Variants in TIAM2 observed in about 807,000 individuals in gnomAD.
The protein encoded by TIAM2 is rho guanine nucleotide exchange factor TIAM2.
In TIAM2, 80 loss-of-function variants were observed where a neutral mutation model predicts 152.9. That is an observed-to-expected ratio of 0.52 (90% confidence interval 0.44 to 0.63). TIAM2 has a LOEUF of 0.63. TIAM2 is among the 30% of genes least tolerant of loss of function. The pLI is 0.00. For synonymous variants in TIAM2, 804 were observed against 838.0 expected (o/e 0.96, Z 0.70); for missense variants, 1,965 against 2,120.1 (o/e 0.93, Z 1.44).
chr6:155,166,001 T>C (rs1780426909), intron 9 of TIAM2, among the ~76,000 whole-genome samples: 1 of 152,202 alleles, frequency 6.6e-6, no homozygotes, highest in South Asian at 2.1e-4. Context: ...ATATTTACTT[T>C]CTCATAGATT....
intron 1 of TIAM2, among the ~76,000 whole-genome samples, chr6:155,029,563 AC>A (rs1156460534): frequency 9.7e-6 from 1 of 102,896 alleles, no homozygotes; most frequent in Admixed American, 1.4e-4. Context: ...ATAAATATAT[AC>A]TATATAATAG....
intron 1 of TIAM2, among the ~76,000 whole-genome samples, chr6:155,015,792 C>T (rs530399114): frequency 1.3e-5 from 2 of 151,890 alleles, no homozygotes; most frequent in South Asian, 4.2e-4. Context: ...CAAGAATTAG[C>T]TGGGCATGGT....
chr6:154,996,972 C>CTCAGAA (rs904242566), intron 1 of TIAM2, among the ~76,000 whole-genome samples: 1 of 151,430 alleles, frequency 6.6e-6, no homozygotes, highest in African/African-American at 2.4e-5. Context: ...CCCTAATGAC[C>CTCAGAA]TCAGAATCAG....
intron 1 of TIAM2, among the ~76,000 whole-genome samples, chr6:155,049,353 G>C (rs989290254): frequency 6.6e-6 from 1 of 152,116 alleles, no homozygotes; most frequent in African/African-American, 2.4e-5. Flanking sequence ...TTCACAGAAG[G>C]CTGGTTCTGC....
chr6:155,061,636 G>A (rs1003067474), intron 1 of TIAM2, among the ~76,000 whole-genome samples: 3 of 152,162 alleles, frequency 2.0e-5, no homozygotes, highest in African/African-American at 7.2e-5. Context: ...TGTAGTTTGT[G>A]TTTTTTCATT....
In TIAM2 at chr6:155,144,677, C is replaced by T. The variant is rs201547111; in HGVS notation, c.1702C>T (p.Leu568=). 2.5e-6 allele frequency: 4 copies of T among 1,609,312 alleles called. No homozygotes were observed. The East Asian group carries it at 9.0e-5, about 36-fold the overall frequency. ...MDQSSAPRCA[L]FAEDSIVQSV... is the part of the protein sequence containing the mutation. ...TCAGAGCAGTGCCCCTCGGTGTGCT[C>T]TGTTTGCAGAAGACAGCATAGTGCA... Residue 568 remains leucine (L), a synonymous_variant, in exon 6 of 27, where the codon CTG becomes TTG. Transcript: ENST00000682666.
chr6:155,075,917 A>G (rs1777946718), intron 1 of TIAM2, among the ~76,000 whole-genome samples: 1 of 152,222 alleles, frequency 6.6e-6, no homozygotes, highest in Non-Finnish European at 1.5e-5. Context: ...TTCATATGAC[A>G]TACTATCAAT....
intron 7 of TIAM2, among the ~76,000 whole-genome samples, chr6:155,160,761 CA>C (rs1252594657): frequency 1.5e-5 from 2 of 137,296 alleles, no homozygotes; most frequent in African/African-American, 2.6e-5. Context: ...GACCATGTCT[CA>C]AAACAAAAAC....
At chr6:155,140,556 ATG>A (rs201167708) in intron 5 of TIAM2, among the ~76,000 whole-genome samples, 25 of 120,016 alleles carry the variant, frequency 2.1e-4, no homozygotes, top group East Asian at 2.6e-4. Context: ...CTGTGTGTGT[ATG>A]TGTGTGTGTG....
At chr6:155,178,663 C>T (rs970381601) in intron 10 of TIAM2, among the ~76,000 whole-genome samples, 4 of 152,152 alleles carry the variant, frequency 2.6e-5, no homozygotes, top group Non-Finnish European at 2.9e-5. Context: ...CAACCTCCAC[C>T]TCCTGGGTTC....
chr6:155,209,134 T>C (rs933653182), intron 14 of TIAM2, among the ~76,000 whole-genome samples: 1 of 152,006 alleles, frequency 6.6e-6, no homozygotes, highest in African/African-American at 2.4e-5. Context: ...GCCTGTGGGC[T>C]TTCCTCATAT....
intron 2 of TIAM2, among the ~76,000 whole-genome samples, chr6:155,120,266 A>G (rs1392984281): frequency 6.6e-6 from 1 of 152,240 alleles, no homozygotes; most frequent in Non-Finnish European, 1.5e-5. Context: ...TGCATTTGGA[A>G]GGAGTCCCGC....
rs1264162703 is a variant in TIAM2 at position 155,186,941 on chromosome 6, TTC to T, written c.3064+3443_3064+3444del. Among the ~76,000 whole-genome samples, 8 of 152,154 alleles carry T rather than the reference TTC, an allele frequency of 5.3e-5. No individual in the cohort carries two copies. Among genetic ancestry groups the T allele is most frequent in the African/African-American group, 1.9e-4 (8 of 41,444 alleles). On this transcript the variant is annotated intron_variant, in intron 14 of 26. Transcript: ENST00000682666. The surrounding 1 kb of genome is among the most constrained non-coding windows in gnomAD (Gnocchi z 4.5). ...ACCATGTACTTGAAAAGAAGGAAAGTTCTGTTTGCTTTTCCAGAGAAGCCAAT... is the reference window on the plus strand; with the variant it reads ...ACCATGTACTTGAAAAGAAGGAAAGTTGTTTGCTTTTCCAGAGAAGCCAAT...
At chr6:155,099,230 G>A (rs145144006) in intron 2 of TIAM2, among the ~76,000 whole-genome samples, 20,040 of 127,116 alleles carry the variant, frequency 0.16, 1,466 homozygotes, top group East Asian at 0.24. Context: ...ATGTGTGTGT[G>A]TGTGTGTGTG....
chr6:155,146,481 GACATCAAGAGAA>G, intron 6 of TIAM2, among the ~76,000 whole-genome samples: 1 of 152,154 alleles, frequency 6.6e-6, no homozygotes, highest in South Asian at 2.1e-4. Context: ...GTTATTTCTA[GACATCAAGAGAA>G]ATGAAAGTAC....
At position 155,213,787 on chromosome 6, in the gene TIAM2, C is replaced by G. The variant is rs887833066; in HGVS notation, c.3168+2480C>G. On this transcript the variant is annotated intron_variant, in intron 15 of 26. Transcript: ENST00000682666. The surrounding 1 kb of genome is among the most constrained non-coding windows in gnomAD (Gnocchi z 4.2). ...GGCCTGCCTCCCATGCTCATTGGTG[C>G]CCAAAGTACAGCAGGGGGCTGGCAT... Among the ~76,000 whole-genome samples the G allele has an allele frequency of 6.6e-6, 1 of 152,230 alleles. No homozygotes were observed. The highest frequency in any genetic ancestry group is 2.4e-5 in the African/African-American group (1 of 41,462).
intron 1 of TIAM2, among the ~76,000 whole-genome samples, chr6:155,001,547 A>G (rs1583144477): frequency 1.3e-5 from 2 of 152,198 alleles, no homozygotes; most frequent in South Asian, 4.1e-4. Flanking sequence ...GTTCCCTGCC[A>G]GAAGCGTATA....
chr6:155,137,647 A>G (rs751045294), intron 5 of TIAM2, 35 bp downstream of exon 5: 1 of 1,520,518 alleles, frequency 6.6e-7, no homozygotes, highest in Non-Finnish European at 8.8e-7. Flanking sequence ...GCCACTGGGG[A>G]TTGTTTCCGC....
At chr6:155,135,294 G>C (rs374676343) in intron 4 of TIAM2, among the ~76,000 whole-genome samples, 3 of 152,108 alleles carry the variant, frequency 2.0e-5, no homozygotes, top group South Asian at 4.2e-4. Context: ...CTTGATTTTT[G>C]GATGAAATTT....
Sources: allele counts gnomAD v4.1 joint callset (sites outside exome capture counted in the v4.1 genomes callset), GRCh38; gene constraint gnomAD v4.1.1; non-coding constraint Gnocchi (gnomAD v3.1); transcripts MANE v1.5; gene names NCBI Gene and HGNC (gene_info 2026-07-23, HGNC 2026-07-21).